CTTNBP2: variants seen among roughly 807,000 people sequenced by gnomAD.
CTTNBP2 encodes cortactin-binding protein 2.
A neutral mutation model predicts 156.9 loss-of-function variants in CTTNBP2; 108 were observed. That is an observed-to-expected ratio of 0.69 (90% CI 0.59 to 0.81). The LOEUF is 0.81. CTTNBP2 is among the 30% of genes least tolerant of loss of function. The pLI is 0.00. For missense variants in CTTNBP2, 1,924 were observed against 2,035.4 expected, an observed-to-expected ratio of 0.95 and a Z score of 1.05; for synonymous variants, 767 against 751.8, an observed-to-expected ratio of 1.02 and a Z score of -0.33.
At chr7:117,872,499 C>G (rs1292363290) in intron 1 of CTTNBP2, among the ~76,000 whole-genome samples, 1 of 152,142 alleles carries the variant, frequency 6.6e-6, no homozygotes, top group Non-Finnish European at 1.5e-5. Context: ...TGGGTCCAGC[C>G]CTTCCCCAAA....
At chr7:117,850,456 A>T (rs574883877) in intron 2 of CTTNBP2, among the ~76,000 whole-genome samples, 12 of 152,186 alleles carry the variant, frequency 7.9e-5, no homozygotes, top group Non-Finnish European at 4.4e-5. Flanking sequence ...TAAATAGGAG[A>T]GACTAACAGT....
chr7:117,720,473 A>G (rs1794720633), intron 20 of CTTNBP2, among the ~76,000 whole-genome samples: 3 of 152,172 alleles, frequency 2.0e-5, no homozygotes, highest in Non-Finnish European at 4.4e-5. Flanking sequence ...AGGCAGATGG[A>G]TCACAAGGTC....
intron 16 of CTTNBP2, 91 bp downstream of exon 16, chr7:117,734,822 A>G: frequency 1.0e-6 from 1 of 987,750 alleles, no homozygotes; most frequent in South Asian, 1.9e-5. Context: ...CCAAGGCTGC[A>G]TAGTTAGTGA....
chr7:117,801,902 T>A (rs1486544514), intron 3 of CTTNBP2, among the ~76,000 whole-genome samples: 1 of 151,768 alleles, frequency 6.6e-6, no homozygotes, highest in Non-Finnish European at 1.5e-5. Flanking sequence ...TTTTTATTTT[T>A]TTTATTTTTT....
In CTTNBP2 at chr7:117,844,106, T is replaced by C. The variant is rs60482411; in HGVS notation, c.189+17103A>G. Among the ~76,000 whole-genome samples the C allele has an allele frequency of 6.7e-3, 1,017 of 151,982 alleles. 8 individuals carry two copies. The highest frequency in any genetic ancestry group is 0.024 in the African/African-American group (986 of 41,450). On this transcript the variant is annotated intron_variant, in intron 2 of 22. Transcript: ENST00000160373. The stretch of plus-strand genomic sequence containing the variant: ...TGCAGGAGGGAAAGATACTACAACA[T>C]GCTACCCTGCTGGCCTTGAAGATGG...
At chr7:117,843,731 G>A (rs1020274298) in intron 2 of CTTNBP2, among the ~76,000 whole-genome samples, 4 of 152,170 alleles carry the variant, frequency 2.6e-5, no homozygotes, top group African/African-American at 9.7e-5. Flanking sequence ...ATAACTCGAT[G>A]ACTATGGAAA....
chr7:117,765,278 A>G (rs1440974901), intron 9 of CTTNBP2, among the ~76,000 whole-genome samples: 1 of 152,176 alleles, frequency 6.6e-6, no homozygotes. Context: ...AGCTTTTATC[A>G]TAAGCCTTAT....
intron 11 of CTTNBP2, among the ~76,000 whole-genome samples, 183 bp downstream of exon 11, chr7:117,757,692 T>C (rs1368378783): frequency 6.6e-6 from 1 of 152,102 alleles, no homozygotes; most frequent in Non-Finnish European, 1.5e-5. Context: ...GTCAAGAACA[T>C]AGCTTTTGAG....
intron 4 of CTTNBP2, chr7:117,786,512 C>A (rs1798710958): frequency 7.9e-6 from 3 of 381,150 alleles, no homozygotes; most frequent in Middle Eastern, 3.6e-4. Flanking sequence ...AAATTATAAA[C>A]ACGAAGGCAT....
chr7:117,766,921 A>G, intron 9 of CTTNBP2, 138 bp downstream of exon 9: 2 of 626,228 alleles, frequency 3.2e-6, no homozygotes, highest in Non-Finnish European at 5.8e-6. Flanking sequence ...TCACACTTAC[A>G]GTCAGTATTT....
intron 2 of CTTNBP2, among the ~76,000 whole-genome samples, chr7:117,825,634 A>G (rs1801232434): frequency 6.6e-6 from 1 of 152,078 alleles, no homozygotes; most frequent in Admixed American, 6.6e-5. Context: ...GGATTTGGAT[A>G]TAGAATCTGT....
chr7:117,785,086 C>CTCT (rs1029925130), intron 4 of CTTNBP2, among the ~76,000 whole-genome samples: 200 of 152,282 alleles, frequency 1.3e-3, no homozygotes, highest in African/African-American at 4.3e-3. Flanking sequence ...ATAACTGGAT[C>CTCT]TAGAGTTCAC....
At chr7:117,844,041 G>A (rs984938612) in intron 2 of CTTNBP2, among the ~76,000 whole-genome samples, 1 of 136,220 alleles carries the variant, frequency 7.3e-6, no homozygotes, top group Admixed American at 7.5e-5. Context: ...GACAACAGAA[G>A]CAGAAACGAA....
chr7:117,724,853 G>C lies in CTTNBP2; in HGVS notation c.4262-121C>G, dbSNP rs890054217. 4.8e-6 allele frequency: 6 copies of C among 1,250,474 alleles called. No homozygotes were observed. In the African/African-American group the frequency reaches 9.1e-5, roughly 19 times the overall value. 77.5% of individuals were successfully genotyped at this position (1,250,474 alleles called of 1,614,324 possible). A position where few individuals can be genotyped will look rare whatever the true frequency, so the allele number is the denominator to read the frequency against. On this transcript the variant is annotated intron_variant, in intron 18 of 22. Coordinates refer to ENST00000160373, the MANE Select transcript of CTTNBP2 (RefSeq NM_033427.3). ...TGCATTTATTTAGTATCCAAGCTGGGGTTTTGTGAACCAGCACCAACTTTA... is the reference window on the plus strand; with the variant it reads ...TGCATTTATTTAGTATCCAAGCTGGCGTTTTGTGAACCAGCACCAACTTTA...
intron 9 of CTTNBP2, among the ~76,000 whole-genome samples, chr7:117,764,685 G>T (rs1797382932): frequency 6.6e-6 from 1 of 151,866 alleles, no homozygotes; most frequent in African/African-American, 2.4e-5. Flanking sequence ...GTGCTACTTG[G>T]TACCTTTAAA....
At chr7:117,838,582 A>T (rs1802086090) in intron 2 of CTTNBP2, among the ~76,000 whole-genome samples, 1 of 152,214 alleles carries the variant, frequency 6.6e-6, no homozygotes, top group Admixed American at 6.5e-5. Context: ...TACCTCAGAT[A>T]TTCAAAAAAT....
chr7:117,861,292 G>C lies in CTTNBP2; in HGVS notation c.106C>G (p.Leu36Val), dbSNP rs1196398548. 9 of 1,613,150 alleles carry C rather than the reference G, an allele frequency of 5.6e-6. No homozygotes were observed. Among genetic ancestry groups the C allele is most frequent in the East Asian group, 2.2e-5 (1 of 44,864 alleles). The change falls in exon 2 of 23, where the codon CTC becomes GTC. Residue 36 changes from leucine (L) to valine (V), a missense_variant. Coordinates refer to ENST00000160373, the MANE Select transcript of CTTNBP2 (RefSeq NM_033427.3). ...AGCATCCGCAGCTCGGATTTACTGA[G>C]AGTATCCACATCAAACTCTTTTTTC... The part of the protein sequence containing the change: ...AAKKEFDVDT[L>V]SKSELRMLLS...
intron 8 of CTTNBP2, among the ~76,000 whole-genome samples, chr7:117,774,428 G>C (rs1171350138): frequency 6.6e-6 from 1 of 152,096 alleles, no homozygotes; most frequent in African/African-American, 2.4e-5. Flanking sequence ...GGCCTGTTAG[G>C]AACCAGACCG....
In CTTNBP2 at chr7:117,792,053, A is replaced by T. The variant is rs756599154; in HGVS notation, c.1143T>A (p.Ile381=). 1 of 1,613,906 alleles carries T rather than the reference A, an allele frequency of 6.2e-7. No homozygotes were observed. Among genetic ancestry groups the T allele is most frequent in the South Asian group, 1.1e-5 (1 of 91,060 alleles). ...AGCCAGTGCTTGGTCCATTTTCCTC[A>T]ATTTTGTTTGCACTTGGAGGTGGGA... ...PAFPPPSANK[I]EENGPSTGST... is the part of the protein sequence containing the mutation. Residue 381 remains isoleucine (I), a synonymous_variant, in exon 4 of 23, where the codon ATT becomes ATA. Coordinates refer to ENST00000160373, the MANE Select transcript of CTTNBP2 (RefSeq NM_033427.3). The surrounding 1 kb of genome is among the most constrained non-coding windows in gnomAD (Gnocchi z 4.2).
Sources: gnomAD v4.1 joint callset for allele counts (sites outside exome capture counted in the v4.1 genomes callset) on GRCh38, gnomAD v4.1.1 for gene constraint, Gnocchi (gnomAD v3.1) non-coding constraint, MANE v1.5 for transcripts, NCBI Gene and HGNC (gene_info 2026-07-23, HGNC 2026-07-21) for gene names.